Variants in SNTG1 observed in about 807,000 individuals in gnomAD.
SNTG1 encodes syntrophin gamma 1.
In SNTG1, 39 loss-of-function variants were observed where a neutral mutation model predicts 74.7. The observed-to-expected ratio is 0.52, with a 90% CI of 0.40 to 0.68. The LOEUF is 0.68. SNTG1 is among the 30% of genes least tolerant of loss of function. The pLI, the probability that SNTG1 is intolerant of heterozygous loss-of-function variation, is 0.00. For missense variants in SNTG1, 685 were observed against 609.5 expected (o/e 1.12, Z -1.30); for synonymous variants, 254 against 217.1 (o/e 1.17, Z -1.49).
At chr8:50,018,805 G>A (rs780443244) in intron 1 of SNTG1, among the ~76,000 whole-genome samples, 1 of 151,936 alleles carries the variant, frequency 6.6e-6, no homozygotes, top group South Asian at 2.1e-4. Context: ...CACTAAGATG[G>A]TTATAAACAA....
intron 15 of SNTG1, among the ~76,000 whole-genome samples, chr8:50,683,476 CA>C (rs1490030621): frequency 2.0e-5 from 3 of 152,018 alleles, no homozygotes; most frequent in South Asian, 2.1e-4. Context: ...ACAGTTTGGC[CA>C]AAAACTTCCC....
intron 4 of SNTG1, among the ~76,000 whole-genome samples, chr8:50,433,729 A>T (rs2093269263): frequency 6.6e-6 from 1 of 152,082 alleles, no homozygotes; most frequent in Non-Finnish European, 1.5e-5. Flanking sequence ...TTAATACCTA[A>T]CTTTGTTTCA....
chr8:50,467,094 T>C (rs978556886), intron 8 of SNTG1, among the ~76,000 whole-genome samples: 2 of 151,978 alleles, frequency 1.3e-5, no homozygotes, highest in African/African-American at 4.8e-5. Context: ...ACAATCATTG[T>C]AGCTATATTC....
chr8:50,291,242 A>AAGCGTGTG (rs567146667), intron 2 of SNTG1, among the ~76,000 whole-genome samples: 164 of 149,278 alleles, frequency 1.1e-3, no homozygotes, highest in South Asian at 2.1e-3. Context: ...AGACAGACAT[A>AAGCGTGTG]TGTGTGTGTG....
At chr8:50,556,660 G>T (rs763236504) in intron 12 of SNTG1, among the ~76,000 whole-genome samples, 2 of 152,114 alleles carry the variant, frequency 1.3e-5, no homozygotes, top group Admixed American at 6.6e-5. Flanking sequence ...GGGAACCTTG[G>T]AAATAAGTAA....
chr8:50,290,467 G>A (rs951884309), intron 2 of SNTG1, among the ~76,000 whole-genome samples: 51 of 152,102 alleles, frequency 3.4e-4, no homozygotes, highest in African/African-American at 1.2e-3. Flanking sequence ...GGCCTTTGCC[G>A]GGAAACATCA....
At chr8:50,443,528 A>G (rs1398048798) in intron 5 of SNTG1, among the ~76,000 whole-genome samples, 6 of 152,092 alleles carry the variant, frequency 3.9e-5, no homozygotes, top group Non-Finnish European at 5.9e-5. Context: ...TTTATGCCCC[A>G]CTTATTAAGT....
intron 17 of SNTG1, among the ~76,000 whole-genome samples, chr8:50,727,276 A>G (rs1004167915): frequency 6.6e-6 from 1 of 152,200 alleles, no homozygotes; most frequent in Non-Finnish European, 1.5e-5. Context: ...AATCCCTAAA[A>G]TAAATTAAAG....
intron 1 of SNTG1, among the ~76,000 whole-genome samples, chr8:49,949,358 A>T (rs1377284024): frequency 6.6e-6 from 1 of 152,202 alleles, no homozygotes; most frequent in Non-Finnish European, 1.5e-5. Flanking sequence ...AATCAAGATG[A>T]ATACTGAATC....
At chr8:50,140,414 A>G (rs898980689) in intron 1 of SNTG1, among the ~76,000 whole-genome samples, 5 of 152,092 alleles carry the variant, frequency 3.3e-5, no homozygotes. Context: ...TGTGTCTGAA[A>G]GAGAGTGTGT....
intron 15 of SNTG1, among the ~76,000 whole-genome samples, chr8:50,669,975 T>C (rs972893187): frequency 2.6e-5 from 4 of 152,138 alleles, no homozygotes; most frequent in Non-Finnish European, 5.9e-5. Context: ...GAAAAGGCCT[T>C]TGACAAAATT....
chr8:50,774,285 G>A (rs528158706), intron 18 of SNTG1, among the ~76,000 whole-genome samples: 1 of 151,800 alleles, frequency 6.6e-6, no homozygotes, highest in Admixed American at 6.6e-5. Context: ...ACTCCATGTA[G>A]AATAAAAACA....
chr8:50,509,613 C>G (rs1254071167), intron 9 of SNTG1, among the ~76,000 whole-genome samples: 2 of 151,992 alleles, frequency 1.3e-5, no homozygotes, highest in Non-Finnish European at 2.9e-5. Flanking sequence ...GTGTAGTTCT[C>G]CTTGAAGAGG....
chr8:50,062,062 G>C (rs1297118217), intron 1 of SNTG1, among the ~76,000 whole-genome samples: 2 of 151,806 alleles, frequency 1.3e-5, no homozygotes, highest in African/African-American at 4.8e-5. Flanking sequence ...TTTTGTTTTT[G>C]AGACAGGGTC....
chr8:50,636,026 T>TTTCTCTTTAATGCAGCAGG (rs1175337237), intron 13 of SNTG1, among the ~76,000 whole-genome samples: 1 of 151,714 alleles, frequency 6.6e-6, no homozygotes, highest in Non-Finnish European at 1.5e-5. Context: ...GAATTTGCTA[T>TTTCTCTTTAATGCAGCAGG]TTCTCTTTAA....
At chr8:50,293,672 A>G (rs545045885) in intron 2 of SNTG1, among the ~76,000 whole-genome samples, 52 of 152,114 alleles carry the variant, frequency 3.4e-4, no homozygotes, top group African/African-American at 1.3e-3. Context: ...GGCCTCCCAA[A>G]GTGCTGGGAT....
At chr8:50,414,418 A>G (rs1238395246) in intron 4 of SNTG1, among the ~76,000 whole-genome samples, 1 of 151,990 alleles carries the variant, frequency 6.6e-6, no homozygotes, top group East Asian at 1.9e-4. Flanking sequence ...GGGTGATAGG[A>G]ATGGTTTTTC....
chr8:49,991,577 T>C (rs1813693547), intron 1 of SNTG1, among the ~76,000 whole-genome samples: 2 of 152,158 alleles, frequency 1.3e-5, no homozygotes, highest in Non-Finnish European at 2.9e-5. Context: ...TACATCTCTA[T>C]AATGGAAGAA....
In SNTG1 at chr8:50,349,029, G is replaced by T. The variant is rs188280010; in HGVS notation, c.-27-45183G>T. ...AGTATGACGTGAAAGAAGACATTTT[G>T]TATCTTCAAGAATATGAAGAATCCC... On this transcript the variant is annotated intron_variant, in intron 2 of 18. Transcript: ENST00000642720. Among the ~76,000 whole-genome samples the T allele has an allele frequency of 1.7e-4, 26 of 152,248 alleles. No individual in the cohort carries two copies. The East Asian group carries it at 4.2e-3, about 25-fold the overall frequency.
Sources: gnomAD v4.1 joint callset for allele counts (sites outside exome capture counted in the v4.1 genomes callset) on GRCh38, gnomAD v4.1.1 for gene constraint, MANE v1.5 for transcripts, NCBI Gene and HGNC (gene_info 2026-07-23, HGNC 2026-07-21) for gene names.